The following LSAMP variants were observed in gnomAD, a reference collection of about 807,000 sequenced individuals.
LSAMP encodes the protein limbic system-associated membrane protein.
Under a neutral mutation model 38.6 loss-of-function variants are expected in LSAMP, and 7 were observed. The observed-to-expected ratio is 0.18, with a 90% CI of 0.10 to 0.34. LSAMP has a LOEUF of 0.34. Ranked by LOEUF, LSAMP falls within the 10% of genes least tolerant of loss-of-function variation. The pLI is 1.00. For missense variants in LSAMP, 313 were observed against 420.0 expected (o/e 0.75, Z 2.23); for synonymous variants, 154 against 166.8 (o/e 0.92, Z 0.59).
intron 3 of LSAMP, among the ~76,000 whole-genome samples, chr3:115,856,093 A>G (rs1286311293): frequency 2.6e-5 from 4 of 152,218 alleles, no homozygotes; most frequent in Non-Finnish European, 4.4e-5. Context: ...TGTTGCAGGG[A>G]CCATGCCTTA....
chr3:116,286,952 C>T (rs1705167967), intron 1 of LSAMP, among the ~76,000 whole-genome samples: 1 of 151,694 alleles, frequency 6.6e-6, no homozygotes, highest in South Asian at 2.1e-4. Context: ...ACTGCCATCA[C>T]CAGCTGTGAC....
chr3:116,412,604 G>T (rs2048994556), intron 1 of LSAMP, among the ~76,000 whole-genome samples: 1 of 152,086 alleles, frequency 6.6e-6, no homozygotes, highest in African/African-American at 2.4e-5. Context: ...CAGAAATCAT[G>T]AATTACATTG....
At chr3:116,106,445 C>T (rs1236715269) in intron 1 of LSAMP, among the ~76,000 whole-genome samples, 2 of 152,148 alleles carry the variant, frequency 1.3e-5, no homozygotes, top group Non-Finnish European at 2.9e-5. Context: ...GTCTATACAG[C>T]AGCTCAAATG....
chr3:116,085,292 G>A (rs1707964043), intron 2 of LSAMP, among the ~76,000 whole-genome samples: 1 of 152,162 alleles, frequency 6.6e-6, no homozygotes, highest in Non-Finnish European at 1.5e-5. Flanking sequence ...AGTCTCTGAT[G>A]TATTTTATTC....
chr3:116,295,442 C>T (rs772534243), intron 1 of LSAMP, among the ~76,000 whole-genome samples: 3 of 152,132 alleles, frequency 2.0e-5, no homozygotes, highest in Non-Finnish European at 4.4e-5. Context: ...ATTTTTTCCT[C>T]ATCTTGAACA....
rs1920377 is a variant in LSAMP, at chr3:116,100,677, A to G, written c.156-14121T>C. Among the ~76,000 whole-genome samples the G allele has an allele frequency of 9.9e-3, 1,511 of 152,286 alleles. 20 individuals carry two copies. Among genetic ancestry groups the G allele is most frequent in the African/African-American group, 0.033 (1,360 of 41,544 alleles). On this transcript the variant is annotated intron_variant, in intron 1 of 6. Transcript: ENST00000490035. ...TTCATAGTGAACAGAATGTACATACATAAAGTTGATCATGTACTCATCTTA... is the reference window on the plus strand; with the variant it reads ...TTCATAGTGAACAGAATGTACATACGTAAAGTTGATCATGTACTCATCTTA...
chr3:115,818,298 C>G (rs999849384), intron 6 of LSAMP, among the ~76,000 whole-genome samples: 1 of 152,086 alleles, frequency 6.6e-6, no homozygotes, highest in Non-Finnish European at 1.5e-5. Context: ...TTTTAAGAAC[C>G]CCTTAAGGCC....
intron 1 of LSAMP, among the ~76,000 whole-genome samples, chr3:116,209,501 CT>C (rs2046123370): frequency 6.6e-6 from 1 of 152,094 alleles, no homozygotes; most frequent in East Asian, 1.9e-4. Context: ...GTTTTCCAGT[CT>C]TTTTGAATAT....
intron 1 of LSAMP, among the ~76,000 whole-genome samples, chr3:116,295,041 G>A (rs1480211370): frequency 6.6e-6 from 1 of 151,940 alleles, no homozygotes; most frequent in Non-Finnish European, 1.5e-5. Context: ...GGCTTTAGGG[G>A]GTATAAGAAT....
intron 2 of LSAMP, among the ~76,000 whole-genome samples, chr3:116,083,281 T>G (rs1707911205): frequency 6.6e-6 from 1 of 152,198 alleles, no homozygotes; most frequent in Non-Finnish European, 1.5e-5. Context: ...AGCATTGTTA[T>G]CAACATCATC....
At chr3:116,065,185 T>TCAAAGAG (rs1707393356) in intron 2 of LSAMP, among the ~76,000 whole-genome samples, 1 of 152,204 alleles carries the variant, frequency 6.6e-6, no homozygotes, top group African/African-American at 2.4e-5. Context: ...AGCAAAGGGT[T>TCAAAGAG]CTACGAATAG....
At chr3:115,854,473 G>T (rs886423745) in intron 3 of LSAMP, among the ~76,000 whole-genome samples, 2 of 151,414 alleles carry the variant, frequency 1.3e-5, no homozygotes, top group Non-Finnish European at 2.9e-5. Context: ...TAGTAGAGAC[G>T]GGGTTTCACC....
intron 3 of LSAMP, among the ~76,000 whole-genome samples, chr3:115,861,221 A>G (rs530598851): frequency 2.9e-5 from 4 of 139,830 alleles, no homozygotes; most frequent in African/African-American, 1.1e-4. Flanking sequence ...CTTCCTCCCT[A>G]CACACCATAT....
rs2107445216 is a variant in LSAMP, at chr3:115,810,235, C to CTCTG, written c.*81_*82insCAGA. On this transcript the variant is annotated 3_prime_UTR_variant, in exon 7 of 7. Transcript: ENST00000490035. ...CGGTCTCCCCCATCTCTCTCTCTCT[C>CTCTG]TCTCTCTCTGTCTCTCTCTCTCTGT... 1 of 970,358 alleles carries CTCTG rather than the reference C, an allele frequency of 1.0e-6. No individual in the cohort carries two copies. Among genetic ancestry groups the CTCTG allele is most frequent in the East Asian group, 2.7e-5 (1 of 37,548 alleles). 60.1% of individuals were successfully genotyped at this position (970,358 alleles called of 1,614,324 possible).
At chr3:116,025,693 T>C (rs1940774310) in intron 2 of LSAMP, among the ~76,000 whole-genome samples, 1 of 152,168 alleles carries the variant, frequency 6.6e-6, no homozygotes, top group African/African-American at 2.4e-5. Flanking sequence ...TGTTGAATGA[T>C]GTAAAGTGCA....
At chr3:116,240,976 G>A (rs1241401376) in intron 1 of LSAMP, among the ~76,000 whole-genome samples, 2 of 152,102 alleles carry the variant, frequency 1.3e-5, no homozygotes, top group Non-Finnish European at 2.9e-5. Flanking sequence ...GGGAGTTCCA[G>A]ACTAGCCTGA....
chr3:116,296,337 A>T (rs2047332671), intron 1 of LSAMP, among the ~76,000 whole-genome samples: 1 of 152,102 alleles, frequency 6.6e-6, no homozygotes, highest in Non-Finnish European at 1.5e-5. Context: ...ATACTGTTTG[A>T]CCACAGCAAT....
intron 1 of LSAMP, among the ~76,000 whole-genome samples, chr3:116,298,066 G>A (rs1389086017): frequency 1.3e-5 from 2 of 152,058 alleles, no homozygotes; most frequent in African/African-American, 2.4e-5. Context: ...ATTCCTCAAC[G>A]TATGTTCTGT....
intron 3 of LSAMP, among the ~76,000 whole-genome samples, chr3:115,965,807 C>A (rs1938790267): frequency 6.6e-6 from 1 of 151,814 alleles, no homozygotes; most frequent in Non-Finnish European, 1.5e-5. Context: ...TTTAAGATGG[C>A]ATAATATTTT....
Sources: gnomAD v4.1 joint callset for allele counts (sites outside exome capture counted in the v4.1 genomes callset) on GRCh38, gnomAD v4.1.1 for gene constraint, MANE v1.5 for transcripts, NCBI Gene and HGNC (gene_info 2026-07-23, HGNC 2026-07-21) for gene names.